The following ADARB1 variants were observed in gnomAD, a reference collection of about 807,000 sequenced individuals.
The protein encoded by ADARB1 is double-stranded RNA-specific editase 1.
ADARB1 carries 10 observed loss-of-function variants against 52.4 expected under a neutral mutation model. The observed-to-expected ratio is 0.19, with a 90% CI of 0.12 to 0.32. ADARB1 has a LOEUF of 0.32. ADARB1 is among the 10% of genes least tolerant of loss of function. ADARB1 has a pLI of 1.00. For synonymous variants in ADARB1, 349 were observed against 371.1 expected, an observed-to-expected ratio of 0.94 and a Z score of 0.68; for missense variants, 643 against 922.3, an observed-to-expected ratio of 0.70 and a Z score of 3.92.
Position 45,161,281 on chromosome 21 carries a change from A to G in ADARB1, c.-47-10329A>G, listed in dbSNP as rs147691354. Among the ~76,000 whole-genome samples, 3 of 152,312 alleles carry G rather than the reference A, an allele frequency of 2.0e-5. No homozygotes were observed. In the East Asian group the frequency reaches 5.8e-4, roughly 29 times the overall value. On this transcript the variant is annotated intron_variant, in intron 2 of 10. Transcript: ENST00000348831. ...ATCCTGGGCACAGCTGCAGCCGTCC[A>G]TTAGAAGCTGTGGACCCAGGCATCC...
chr21:45,206,938 A>G (rs950866147), intron 9 of ADARB1, among the ~76,000 whole-genome samples: 3 of 152,152 alleles, frequency 2.0e-5, no homozygotes, highest in African/African-American at 7.2e-5. Context: ...TCCCCGCTGC[A>G]GGGGGCTGTG....
chr21:45,206,835 A>G lies in ADARB1; in HGVS notation c.1747+2099A>G, dbSNP rs552160805. On this transcript the variant is annotated intron_variant, in intron 9 of 10. Transcript: ENST00000348831. ...GTGATCTGTCCACCTCAGCCTCTCA[A>G]AGTGCTAGGATTACAGGCGTGAGCC... is the stretch of plus-strand genomic sequence containing the variant. 1.8e-4 allele frequency among the ~76,000 whole-genome samples: 28 copies of G among 152,164 alleles called. No individual in the cohort carries two copies. The East Asian group carries it at 4.6e-3, about 25-fold the overall frequency.
At chr21:45,115,239 G>T (rs1170044409) in intron 1 of ADARB1, among the ~76,000 whole-genome samples, 3 of 152,168 alleles carry the variant, frequency 2.0e-5, no homozygotes, top group Non-Finnish European at 2.9e-5. Flanking sequence ...GTCTGCTTTG[G>T]TGCCAGTGAC....
At chr21:45,190,127 A>G (rs1047346532) in intron 8 of ADARB1, among the ~76,000 whole-genome samples, 1 of 151,806 alleles carries the variant, frequency 6.6e-6, no homozygotes, top group Non-Finnish European at 1.5e-5. Context: ...GTCTCGCTTC[A>G]CTTTTCTTCA....
chr21:45,156,006 CCACT>C (rs1305209514), intron 2 of ADARB1, among the ~76,000 whole-genome samples: 2 of 145,200 alleles, frequency 1.4e-5, no homozygotes, highest in Non-Finnish European at 3.0e-5. Context: ...CATCCATCAT[CCACT>C]CACCCACCCA....
At chr21:45,130,907 G>A (rs8132897) in intron 2 of ADARB1, among the ~76,000 whole-genome samples, 1,900 of 152,274 alleles carry the variant, frequency 0.012, 42 homozygotes, top group African/African-American at 0.042. Context: ...ATTCCCCTGC[G>A]CAAGAGGAAT....
intron 2 of ADARB1, among the ~76,000 whole-genome samples, chr21:45,131,113 A>G (rs1482076777): frequency 6.6e-6 from 1 of 152,370 alleles, no homozygotes; most frequent in East Asian, 1.9e-4. Context: ...AAGCAGTGTC[A>G]TGCTGAAATG....
intron 2 of ADARB1, chr21:45,144,623 T>A (rs545107326): frequency 3.0e-4 from 136 of 453,208 alleles, no homozygotes; most frequent in Non-Finnish European, 4.4e-4. Flanking sequence ...TCTTCAATAA[T>A]CCTAAAGGTG....
At chr21:45,180,291 G>T in intron 4 of ADARB1, 39 bp from the exon 5 acceptor site, 1 of 1,457,910 alleles carries the variant, frequency 6.9e-7, no homozygotes, top group Non-Finnish European at 9.6e-7. Flanking sequence ...GCTCCCAGCT[G>T]CATCTGGCCC....
chr21:45,183,222 A>AT, intron 6 of ADARB1, 140 bp from the exon 7 acceptor site: 1 of 810,352 alleles, frequency 1.2e-6, no homozygotes, highest in Admixed American at 3.6e-5. Flanking sequence ...AACTGTATTA[A>AT]TTACCCTAAA....
chr21:45,204,523 T>TC lies in ADARB1; in HGVS notation c.1566-29dup. ...GGCTGCGTCGACACTGAGTCCGAGC[T>TC]CCCTGAAGACTGTGCTTTCTTCTCC... On this transcript the variant is annotated intron_variant, in intron 8 of 10. Coordinates refer to ENST00000348831, the MANE Select transcript of ADARB1 (RefSeq NM_001112.4). The surrounding 1 kb of genome is among the most constrained non-coding windows in gnomAD (Gnocchi z 4.4). 6.2e-7 allele frequency: 1 copy of TC among 1,608,688 alleles called. No homozygotes were observed. Among genetic ancestry groups the TC allele is most frequent in the Non-Finnish European group, 8.5e-7 (1 of 1,176,038 alleles).
chr21:45,215,660 T>TA (rs998957020), intron 9 of ADARB1, among the ~76,000 whole-genome samples: 5 of 151,386 alleles, frequency 3.3e-5, no homozygotes, highest in Non-Finnish European at 5.9e-5. Flanking sequence ...GTGGTGACGT[T>TA]AAAAAAAAAT....
intron 1 of ADARB1, among the ~76,000 whole-genome samples, chr21:45,104,352 G>A (rs540060582): frequency 1.1e-4 from 16 of 152,256 alleles, no homozygotes; most frequent in African/African-American, 3.6e-4. Context: ...GGCTGTAAAG[G>A]AGCATTGTCA....
At chr21:45,217,024 T>A (rs1042186693) in intron 9 of ADARB1, among the ~76,000 whole-genome samples, 3 of 152,016 alleles carry the variant, frequency 2.0e-5, no homozygotes, top group Non-Finnish European at 4.4e-5. Flanking sequence ...TCCTCAACTT[T>A]CTTTTGATTA....
Position 45,223,514 on chromosome 21 carries a change from A to T in ADARB1, c.*1317A>T, listed in dbSNP as rs952719264. On this transcript the variant is annotated 3_prime_UTR_variant, in exon 11 of 11. Coordinates refer to ENST00000348831, the MANE Select transcript of ADARB1 (RefSeq NM_001112.4). ...TTGCCTCCGCTCAGGATGAAAGAGG[A>T]GCTGAGAGAAGTGCTCTGCCTGCCA... 4 of 985,460 alleles carry T rather than the reference A, an allele frequency of 4.1e-6. No individual in the cohort carries two copies. Among genetic ancestry groups the T allele is most frequent in the African/African-American group, 1.7e-5 (1 of 57,236 alleles). The allele number at this position is 985,460 out of a possible 1,614,324, so 61.0% of individuals were successfully genotyped here.
chr21:45,158,376 G>A (rs2090778180), intron 2 of ADARB1, among the ~76,000 whole-genome samples: 1 of 152,116 alleles, frequency 6.6e-6, no homozygotes, highest in South Asian at 2.1e-4. Context: ...GCAGAATGTG[G>A]AAGCAAACGG....
intron 4 of ADARB1, among the ~76,000 whole-genome samples, chr21:45,178,342 G>A (rs2091785520): frequency 6.6e-6 from 1 of 152,250 alleles, no homozygotes; most frequent in African/African-American, 2.4e-5. Flanking sequence ...GGGCAGGGCT[G>A]CCTCAGCCCC....
rs997603456 is a variant in ADARB1 at position 45,221,869 on chromosome 21, C to T, written c.1927-149C>T. On this transcript the variant is annotated intron_variant, in intron 10 of 10. Transcript: ENST00000348831. This position sits in a 1 kb window ranked among gnomAD's most constrained non-coding sequence, Gnocchi z 4.9. Reference sequence around the variant, plus strand: ...CGCCGCACCTTGTTCTGTGTGAAGCCGTTCCCTTGGCAGAAGGCGCCTTCC... The same window carrying T: ...CGCCGCACCTTGTTCTGTGTGAAGCTGTTCCCTTGGCAGAAGGCGCCTTCC... 7.7e-6 allele frequency: 6 copies of T among 779,530 alleles called. No individual in the cohort carries two copies. Among genetic ancestry groups the T allele is most frequent in the South Asian group, 3.6e-5 (2 of 55,034 alleles). The allele number at this position is 779,530 out of a possible 1,614,324, so 48.3% of individuals were successfully genotyped here.
intron 4 of ADARB1, among the ~76,000 whole-genome samples, chr21:45,177,909 C>A (rs149292332): frequency 7.9e-5 from 12 of 152,172 alleles, no homozygotes; most frequent in African/African-American, 2.9e-4. Context: ...ATACTTGCTT[C>A]CCTTATTAAC....
Sources: gnomAD v4.1 joint callset for allele counts (sites outside exome capture counted in the v4.1 genomes callset) on GRCh38, gnomAD v4.1.1 for gene constraint, Gnocchi (gnomAD v3.1) non-coding constraint, MANE v1.5 for transcripts, NCBI Gene and HGNC (gene_info 2026-07-23, HGNC 2026-07-21) for gene names.